AUTS2: variants seen among roughly 807,000 people sequenced by gnomAD.
AUTS2 encodes the protein autism susceptibility gene 2 protein.
Under a neutral mutation model 112.4 loss-of-function variants are expected in AUTS2, and 17 were observed. That is an observed-to-expected ratio of 0.15 (90% CI 0.10 to 0.23). The LOEUF is 0.23. Ranked by LOEUF, AUTS2 falls within the 10% of genes least tolerant of loss-of-function variation. The pLI is 1.00. For synonymous variants in AUTS2, 751 were observed against 702.7 expected (o/e 1.07, Z -1.09); for missense variants, 1,510 against 1,701.6 (o/e 0.89, Z 1.98).
intron 2 of AUTS2, among the ~76,000 whole-genome samples, chr7:70,047,715 A>G (rs1489659034): frequency 1.3e-5 from 2 of 152,222 alleles, no homozygotes; most frequent in East Asian, 3.9e-4. Flanking sequence ...ACTTTGCAGT[A>G]TCTAATCAAG....
At chr7:69,767,054 C>T (rs896007902) in intron 1 of AUTS2, among the ~76,000 whole-genome samples, 1 of 152,216 alleles carries the variant, frequency 6.6e-6, no homozygotes, top group African/African-American at 2.4e-5. Context: ...GCCCATAGGT[C>T]GCGCATGTGC....
intron 1 of AUTS2, among the ~76,000 whole-genome samples, chr7:69,670,262 T>C (rs1197895157): frequency 6.6e-6 from 1 of 152,142 alleles, no homozygotes; most frequent in South Asian, 2.1e-4. Flanking sequence ...CTCTCTGATA[T>C]TGCTGAGGTC....
chr7:70,482,970 T>C (rs1330965555), intron 5 of AUTS2, among the ~76,000 whole-genome samples: 1 of 152,226 alleles, frequency 6.6e-6, no homozygotes, highest in Non-Finnish European at 1.5e-5. Context: ...ATGTCATATG[T>C]GATCTATTTT....
At chr7:70,234,317 C>T (rs559003354) in intron 4 of AUTS2, among the ~76,000 whole-genome samples, 15 of 152,220 alleles carry the variant, frequency 9.9e-5, no homozygotes, top group African/African-American at 2.9e-4. Context: ...TTAGAACTGG[C>T]GTTCATTGAT....
chr7:70,425,275 A>T lies in AUTS2; in HGVS notation c.661-10477A>T, dbSNP rs1795385336. On this transcript the variant is annotated intron_variant, in intron 4 of 18. Transcript: ENST00000342771. ...CTTTGAGTGTTGGAGAAAATAGAGC[A>T]ATTACCTATTGAAGACAAAGTGGAT... 2.0e-5 allele frequency among the ~76,000 whole-genome samples: 3 copies of T among 152,196 alleles called. No individual in the cohort carries two copies. The South Asian group carries it at 6.2e-4, about 32-fold the overall frequency.
At chr7:70,308,790 T>G (rs942775720) in intron 4 of AUTS2, among the ~76,000 whole-genome samples, 1 of 152,178 alleles carries the variant, frequency 6.6e-6, no homozygotes, top group African/African-American at 2.4e-5. Flanking sequence ...CATATTAATT[T>G]TTTTTTGTAT....
intron 4 of AUTS2, among the ~76,000 whole-genome samples, chr7:70,343,986 A>G (rs887197650): frequency 2.6e-5 from 4 of 152,164 alleles, no homozygotes; most frequent in Non-Finnish European, 5.9e-5. Context: ...AATTCTGGAA[A>G]CTAACAAGAA....
At chr7:70,755,892 C>T (rs1330439599) in intron 6 of AUTS2, among the ~76,000 whole-genome samples, 1 of 151,572 alleles carries the variant, frequency 6.6e-6, no homozygotes, top group African/African-American at 2.4e-5. Flanking sequence ...TATTTAATAA[C>T]TATATATAAT....
chr7:70,251,341 G>A (rs1163793927), intron 4 of AUTS2, among the ~76,000 whole-genome samples: 2 of 152,122 alleles, frequency 1.3e-5, no homozygotes, highest in Non-Finnish European at 2.9e-5. Flanking sequence ...GGGATTACAG[G>A]CGTGAACCAC....
intron 5 of AUTS2, among the ~76,000 whole-genome samples, chr7:70,491,407 T>C (rs2116415325): frequency 7.9e-6 from 1 of 126,376 alleles, no homozygotes; most frequent in South Asian, 2.4e-4. Context: ...TTGGTGTGTG[T>C]GCGTGTGTGT....
At chr7:69,903,852 T>C (rs930947843) in intron 2 of AUTS2, among the ~76,000 whole-genome samples, 1 of 152,206 alleles carries the variant, frequency 6.6e-6, no homozygotes, top group Non-Finnish European at 1.5e-5. Flanking sequence ...GAATGTCTTA[T>C]GTGGTTTAAA....
intron 1 of AUTS2, among the ~76,000 whole-genome samples, chr7:69,714,180 C>A (rs1204686503): frequency 6.6e-6 from 1 of 151,650 alleles, no homozygotes; most frequent in African/African-American, 2.4e-5. Flanking sequence ...CCCACATCAT[C>A]CCCTCAAGCT....
chr7:70,379,534 A>G (rs1793273060), intron 4 of AUTS2, among the ~76,000 whole-genome samples: 1 of 151,990 alleles, frequency 6.6e-6, no homozygotes, highest in Non-Finnish European at 1.5e-5. Flanking sequence ...AAAAACTATC[A>G]TTAGACTTAA....
chr7:70,617,783 G>A (rs1804455986), intron 5 of AUTS2, among the ~76,000 whole-genome samples: 1 of 152,128 alleles, frequency 6.6e-6, no homozygotes, highest in Non-Finnish European at 1.5e-5. Flanking sequence ...TGTTAAGTTT[G>A]GGGACATCAT....
At chr7:70,124,649 G>A (rs1340478574) in intron 3 of AUTS2, among the ~76,000 whole-genome samples, 1 of 151,572 alleles carries the variant, frequency 6.6e-6, no homozygotes, top group African/African-American at 2.4e-5. Flanking sequence ...TGCAACCTCC[G>A]ACTCCCTGGT....
rs555111782 is a variant in AUTS2, at chr7:70,286,809, A to C, written c.661-148943A>C. 5.3e-5 allele frequency among the ~76,000 whole-genome samples: 8 copies of C among 152,300 alleles called. No homozygotes were observed. The South Asian group carries it at 1.7e-3, about 32-fold the overall frequency. On this transcript the variant is annotated intron_variant, in intron 4 of 18. Coordinates refer to ENST00000342771, the MANE Select transcript of AUTS2 (RefSeq NM_015570.4). ...AGCTACCATAGGGATCATGTTGTCC[A>C]GCCTCTTTGTCCTTATAAAAACATC...
In AUTS2 at chr7:70,093,034, C is replaced by T. The variant is rs146036582; in HGVS notation, c.523-25098C>T. On this transcript the variant is annotated intron_variant, in intron 2 of 18. Coordinates refer to ENST00000342771, the MANE Select transcript of AUTS2 (RefSeq NM_015570.4). ...TGCTTTTACAGAGTCTTTGCTGCTA[C>T]GTTGTATAAAGATTTTAATAAAAAT... is the stretch of plus-strand genomic sequence containing the variant. Among the ~76,000 whole-genome samples the T allele has an allele frequency of 3.8e-4, 58 of 152,258 alleles. No individual in the cohort carries two copies. The East Asian group carries it at 0.011, about 29-fold the overall frequency.
chr7:70,571,522 A>T (rs1480453611), intron 5 of AUTS2, among the ~76,000 whole-genome samples: 7 of 152,234 alleles, frequency 4.6e-5, no homozygotes, highest in Non-Finnish European at 1.5e-5. Context: ...TGGGAGTTAC[A>T]TAAACCCCCA....
At chr7:70,643,016 G>A (rs968953607) in intron 5 of AUTS2, among the ~76,000 whole-genome samples, 1 of 152,096 alleles carries the variant, frequency 6.6e-6, no homozygotes, top group Non-Finnish European at 1.5e-5. Flanking sequence ...CTTGATTTTT[G>A]ATTTTTTAAA....
Sources: gnomAD v4.1 joint callset for allele counts (sites outside exome capture counted in the v4.1 genomes callset) on GRCh38, gnomAD v4.1.1 for gene constraint, MANE v1.5 for transcripts, NCBI Gene and HGNC (gene_info 2026-07-23, HGNC 2026-07-21) for gene names.